Variants in ERC2 observed in about 807,000 individuals in gnomAD.
ERC2 encodes ELKS/RAB6-interacting/CAST family member 2.
A neutral mutation model predicts 114.8 loss-of-function variants in ERC2; 42 were observed. That is an observed-to-expected ratio of 0.37 (90% CI 0.29 to 0.47). The LOEUF (loss-of-function observed/expected upper bound fraction) is 0.47. Ranked by LOEUF, ERC2 falls within the 20% of genes least tolerant of loss-of-function variation. ERC2 has a pLI of 0.99. For missense variants in ERC2, 939 were observed against 1,150.7 expected (o/e 0.82, Z 2.66); for synonymous variants, 454 against 425.5 (o/e 1.07, Z -0.82).
intron 17 of ERC2, among the ~76,000 whole-genome samples, chr3:55,636,159 A>G (rs1005732612): frequency 6.6e-6 from 1 of 152,208 alleles, no homozygotes; most frequent in African/African-American, 2.4e-5. Flanking sequence ...TACAGGCATG[A>G]GCCACTGCAC....
rs17288693 is a variant in ERC2 at position 56,122,322 on chromosome 3, T to C, written c.1473+17187A>G. On this transcript the variant is annotated intron_variant, in intron 6 of 17. Transcript: ENST00000288221. ...ATACATATAAATCCCCACACTTACATACAGCATTTAAATAATCTGAAGAAT... is the reference window on the plus strand; with the variant it reads ...ATACATATAAATCCCCACACTTACACACAGCATTTAAATAATCTGAAGAAT... 5.7e-3 allele frequency among the ~76,000 whole-genome samples: 873 copies of C among 152,252 alleles called. 64 individuals are homozygous for C. The East Asian group carries it at 0.15, about 26-fold the overall frequency.
At chr3:55,893,384 G>A (rs1374879923) in intron 13 of ERC2, among the ~76,000 whole-genome samples, 2 of 152,128 alleles carry the variant, frequency 1.3e-5, no homozygotes, top group Admixed American at 1.3e-4. Flanking sequence ...TGTCTCTACA[G>A]TTCTCACCTC....
chr3:55,986,089 A>G, intron 11 of ERC2, 101 bp from the exon 12 acceptor site: 2 of 1,127,884 alleles, frequency 1.8e-6, no homozygotes, highest in Non-Finnish European at 1.3e-6. Flanking sequence ...AGTTTTAAAC[A>G]TATAGCCAAC....
At chr3:56,339,935 A>C (rs2058020548) in intron 2 of ERC2, among the ~76,000 whole-genome samples, 1 of 152,162 alleles carries the variant, frequency 6.6e-6, no homozygotes, top group Non-Finnish European at 1.5e-5. Context: ...GAGGATAACA[A>C]GATTAGTCTA....
chr3:55,995,803 C>T (rs1343465845), intron 10 of ERC2, among the ~76,000 whole-genome samples: 1 of 152,140 alleles, frequency 6.6e-6, no homozygotes, highest in African/African-American at 2.4e-5. Flanking sequence ...CTACCATGAT[C>T]TACAGACATG....
intron 7 of ERC2, among the ~76,000 whole-genome samples, chr3:56,035,788 C>T (rs2074755279): frequency 6.6e-6 from 1 of 152,198 alleles, no homozygotes; most frequent in Non-Finnish European, 1.5e-5. Context: ...CTGTTCTTTA[C>T]AAACTACCCA....
intron 17 of ERC2, among the ~76,000 whole-genome samples, chr3:55,514,861 C>G (rs2052377342): frequency 6.6e-6 from 1 of 152,180 alleles, no homozygotes; most frequent in Admixed American, 6.5e-5. Context: ...AAACTGTAAG[C>G]TAATAAATGG....
chr3:55,799,478 T>TA (rs2070866316), intron 14 of ERC2, among the ~76,000 whole-genome samples: 2 of 85,290 alleles, frequency 2.3e-5, no homozygotes, highest in Non-Finnish European at 4.7e-5. Flanking sequence ...TATATATGCC[T>TA]TATCTATCAC....
chr3:55,833,127 G>T (rs987430154), intron 14 of ERC2, among the ~76,000 whole-genome samples: 1 of 149,688 alleles, frequency 6.7e-6, no homozygotes. Context: ...CCAAATCTAC[G>T]TCTGATTGGT....
At position 55,830,009 on chromosome 3, in the gene ERC2, C is replaced by A. The variant is rs75114512; in HGVS notation, c.2564+58380G>T. Reference sequence around the variant, plus strand: ...ACAAACAAACAAACAAAAAAACCCACCTGCAGCTACATCCAAATCAAACTG... The same window carrying A: ...ACAAACAAACAAACAAAAAAACCCAACTGCAGCTACATCCAAATCAAACTG... On this transcript the variant is annotated intron_variant, in intron 14 of 17. Coordinates refer to ENST00000288221, the MANE Select transcript of ERC2 (RefSeq NM_015576.3). Among the ~76,000 whole-genome samples the A allele has an allele frequency of 2.9e-4, 44 of 152,262 alleles. 1 individual carries two copies. The East Asian group carries it at 8.3e-3, about 29-fold the overall frequency.
chr3:56,032,858 G>GGAAAGAAAGAAAGAAA (rs149220809), intron 7 of ERC2, among the ~76,000 whole-genome samples: 24 of 69,002 alleles, frequency 3.5e-4, no homozygotes, highest in African/African-American at 6.6e-4. Context: ...AAGAAAGAAA[G>GGAAAGAAAGAAAGAAA]GAAAGAAAGA....
At chr3:56,428,377 C>T (rs72499036) in intron 2 of ERC2, among the ~76,000 whole-genome samples, 9,486 of 151,766 alleles carry the variant, frequency 0.063, 550 homozygotes, top group East Asian at 0.31. Context: ...AAAAATCAGC[C>T]GCGCGTGCTG....
chr3:55,695,909 T>C (rs954281964), intron 16 of ERC2, among the ~76,000 whole-genome samples: 1 of 152,244 alleles, frequency 6.6e-6, no homozygotes, highest in African/African-American at 2.4e-5. Context: ...CTTTCTTATA[T>C]GACTTTTTAG....
intron 13 of ERC2, among the ~76,000 whole-genome samples, chr3:55,894,516 T>A (rs2063752414): frequency 6.6e-6 from 1 of 152,218 alleles, no homozygotes; most frequent in Non-Finnish European, 1.5e-5. Flanking sequence ...ATTGGGCTTC[T>A]ACGTGTACCC....
intron 2 of ERC2, among the ~76,000 whole-genome samples, chr3:56,316,910 A>G (rs900379545): frequency 1.3e-5 from 2 of 152,212 alleles, no homozygotes; most frequent in East Asian, 3.8e-4. Flanking sequence ...TATAGTATAT[A>G]AGCTGGTCAT....
Position 55,832,755 on chromosome 3 carries a change from G to A in ERC2, c.2564+55634C>T, listed in dbSNP as rs59231267. ...CACCAGCAACGGAACAAAGCTGGAC[G>A]GAGAATAACTTTGACGAGTTGAGAG... is the stretch of plus-strand genomic sequence containing the variant. On this transcript the variant is annotated intron_variant, in intron 14 of 17. Transcript: ENST00000288221. Among the ~76,000 whole-genome samples the A allele has an allele frequency of 2.2e-4, 33 of 152,354 alleles. No individual in the cohort carries two copies. The East Asian group carries it at 4.0e-3, about 19-fold the overall frequency.
intron 7 of ERC2, among the ~76,000 whole-genome samples, chr3:56,040,789 T>G (rs112927344): frequency 0.019 from 878 of 46,420 alleles, 9 homozygotes; most frequent in African/African-American, 0.045. Context: ...GAGATATATA[T>G]AGATATATAT....
At chr3:56,196,179 G>A (rs1575778764) in intron 3 of ERC2, among the ~76,000 whole-genome samples, 4 of 152,270 alleles carry the variant, frequency 2.6e-5, no homozygotes, top group Admixed American at 2.6e-4. Flanking sequence ...CAGGGAAGAT[G>A]GTGGTTTGGG....
At chr3:56,250,753 T>C (rs960637782) in intron 3 of ERC2, among the ~76,000 whole-genome samples, 6 of 152,194 alleles carry the variant, frequency 3.9e-5, no homozygotes, top group African/African-American at 1.4e-4. Flanking sequence ...AGCATGACTA[T>C]ACCTAAGTAA....
Sources: allele counts gnomAD v4.1 joint callset (sites outside exome capture counted in the v4.1 genomes callset), GRCh38; gene constraint gnomAD v4.1.1; transcripts MANE v1.5; gene names NCBI Gene and HGNC (gene_info 2026-07-23, HGNC 2026-07-21).